The following BRMS1 variants were observed in gnomAD, a reference collection of about 807,000 sequenced individuals.
BRMS1 encodes the protein BRMS1 transcriptional repressor and anoikis regulator, also known as breast cancer metastasis-suppressor 1.
In BRMS1, 26 loss-of-function variants were observed where a neutral mutation model predicts 40.4. The observed-to-expected ratio is 0.64, with a 90% CI of 0.47 to 0.89. BRMS1 has a LOEUF of 0.89. Among genes scored for constraint, BRMS1 ranks in the 40% least tolerant of loss-of-function variants. The pLI is 0.00. For missense variants in BRMS1, 289 were observed against 309.4 expected, an observed-to-expected ratio of 0.93 and a Z score of 0.49; for synonymous variants, 103 against 116.0, an observed-to-expected ratio of 0.89 and a Z score of 0.72.
rs1226261312 is a variant in BRMS1, at chr11:66,341,843, G to A, written c.140-220C>T. Reference sequence around the variant, plus strand: ...GCGTGCGTGCTTGTGTGAAGGGGCTGTGTGCACGTGTACTTGTGTGAAGGG... The same window carrying A: ...GCGTGCGTGCTTGTGTGAAGGGGCTATGTGCACGTGTACTTGTGTGAAGGG... On this transcript the variant is annotated intron_variant, in intron 2 of 9. Coordinates refer to ENST00000359957, the MANE Select transcript of BRMS1 (RefSeq NM_015399.4). This position sits in a 1 kb window ranked among gnomAD's most constrained non-coding sequence, Gnocchi z 4.9. The A allele has an allele frequency of 1.5e-6, 1 of 666,256 alleles. No individual in the cohort carries two copies. Among genetic ancestry groups the A allele is most frequent in the East Asian group, 2.7e-5 (1 of 36,730 alleles). 41.3% of individuals were successfully genotyped at this position (666,256 alleles called of 1,614,324 possible). A position where few individuals can be genotyped will look rare whatever the true frequency, so the allele number is the denominator to read the frequency against.
rs774951857 is a variant in BRMS1 at position 66,341,250 on chromosome 11, A to G, written c.314T>C (p.Leu105Pro). Residue 105 changes from leucine to proline, a missense_variant, in exon 4 of 10, where the codon CTT (leucine) becomes CCT (proline). By Grantham distance (98) the Leu-to-Pro change is moderately conservative. Coordinates refer to ENST00000359957, the MANE Select transcript of BRMS1 (RefSeq NM_015399.4). This position sits in a 1 kb window ranked among gnomAD's most constrained non-coding sequence, Gnocchi z 4.9. Reference protein sequence around the residue: ...AERAPEYTEPLGGLQRSLKIR... With the variant: ...AERAPEYTEPPGGLQRSLKIR... The stretch of plus-strand genomic sequence containing the variant: ...CTTGAGGCTCCGCTGCAGCCCCCCA[A>G]GGGGCTCCGTGTATTCAGGGGCTCT... The G allele has an allele frequency of 3.7e-6, 6 of 1,613,426 alleles. No individual in the cohort carries two copies. Among genetic ancestry groups the G allele is most frequent in the Non-Finnish European group, 5.1e-6 (6 of 1,179,608 alleles).
At chr11:66,342,432 A>G (rs1855109685) in intron 1 of BRMS1, among the ~76,000 whole-genome samples, 191 bp from the exon 2 acceptor site, 1 of 152,126 alleles carries the variant, frequency 6.6e-6, no homozygotes, top group African/African-American at 2.4e-5. Flanking sequence ...GAAGGCTGGG[A>G]GCTGTGGAAC....
Position 66,342,228 on chromosome 11 carries a change from C to G in BRMS1, c.7G>C (p.Val3Leu). ...TCTGTGTCTTTGCTTGGAGGCTGGA[C>G]AGGCATCTGGACTCTGGGAGAAGGA... Reference protein sequence around the residue: MPVQPPSKDTEEM... With the variant: MPLQPPSKDTEEM... Residue 3 changes from valine to leucine, a missense_variant, in exon 2 of 10, where the codon GTC becomes CTC. Coordinates refer to ENST00000359957, the MANE Select transcript of BRMS1 (RefSeq NM_015399.4). 1 of 1,613,082 alleles carries G rather than the reference C, an allele frequency of 6.2e-7. No individual in the cohort carries two copies. Among genetic ancestry groups the G allele is most frequent in the Non-Finnish European group, 8.5e-7 (1 of 1,179,972 alleles).
At chr11:66,339,594 G>A (rs1026078073) in intron 7 of BRMS1, among the ~76,000 whole-genome samples, 12 of 152,280 alleles carry the variant, frequency 7.9e-5, no homozygotes, top group South Asian at 2.1e-4. Context: ...GGACCCGCTC[G>A]GACAACCCCG....
chr11:66,339,727 G>A (rs941521621), intron 7 of BRMS1: 1 of 171,660 alleles, frequency 5.8e-6, no homozygotes, highest in African/African-American at 2.4e-5. Context: ...CTTCAGAGTA[G>A]CTGGGACTAT....
rs1403324112 is a variant in BRMS1, at chr11:66,337,470, C to T, written c.*412G>A. 5.3e-6 allele frequency: 3 copies of T among 564,744 alleles called. No homozygotes were observed. Among genetic ancestry groups the T allele is most frequent in the Non-Finnish European group, 6.3e-6 (2 of 317,314 alleles). The allele number at this position is 564,744 out of a possible 1,614,324, so 35.0% of individuals were successfully genotyped here. On this transcript the variant is annotated 3_prime_UTR_variant, in exon 10 of 10. Transcript: ENST00000359957. ...GGGTGGACAGACCCCCAGATAATCACGTCTGACTCAGAGTTCCCGCACAGT... is the reference window on the plus strand; with the variant it reads ...GGGTGGACAGACCCCCAGATAATCATGTCTGACTCAGAGTTCCCGCACAGT...
At chr11:66,343,966 A>C (rs185401027) in intron 1 of BRMS1, among the ~76,000 whole-genome samples, 52 of 152,364 alleles carry the variant, frequency 3.4e-4, no homozygotes, top group African/African-American at 1.2e-3. Context: ...TCCTCTCAGC[A>C]GATAATCTCT....
chr11:66,338,023 C>T lies in BRMS1; in HGVS notation c.734-134G>A, dbSNP rs3132759. On this transcript the variant is annotated intron_variant, in intron 9 of 9. Coordinates refer to ENST00000359957, the MANE Select transcript of BRMS1 (RefSeq NM_015399.4). ...AGCTCCACAGCCCTCCCTGACCCCT[C>T]CTGAGTGGGAGCTCCATCAACCCAG... 4 of 1,193,814 alleles carry T rather than the reference C, an allele frequency of 3.4e-6. No homozygotes were observed. In the African/African-American group the frequency reaches 4.6e-5, roughly 14 times the overall value. The allele number at this position is 1,193,814 out of a possible 1,614,324, so 74.0% of individuals were successfully genotyped here. A position where few individuals can be genotyped will look rare whatever the true frequency, so the allele number is the denominator to read the frequency against.
chr11:66,340,676 TGG>T, intron 6 of BRMS1, 96 bp downstream of exon 6: 2 of 1,051,098 alleles, frequency 1.9e-6, no homozygotes, highest in South Asian at 3.0e-5. Flanking sequence ...GCAGGTCCTC[TGG>T]CTGTCCCCTT....
At chr11:66,343,459 G>A (rs1855130572) in intron 1 of BRMS1, among the ~76,000 whole-genome samples, 1 of 152,144 alleles carries the variant, frequency 6.6e-6, no homozygotes, top group South Asian at 2.1e-4. Flanking sequence ...GGGAGACAGG[G>A]GCAAAGGAGC....
rs1226892412 is a variant in BRMS1, at chr11:66,338,286, G to A, written c.694-4C>T. The A allele has an allele frequency of 6.2e-7, 1 of 1,608,628 alleles. No individual in the cohort carries two copies. The highest frequency in any genetic ancestry group is 1.3e-5 in the African/African-American group (1 of 74,952). On this transcript the variant is annotated splice_polypyrimidine_tract_variant and splice_region_variant and intron_variant, in intron 8 of 9. Transcript: ENST00000359957. ...GAGGGGACACAGCTGCCCTAGCCTG[G>A]GTGGGTGAGAAGAAAAGCTCCCCTG...
intron 7 of BRMS1, among the ~76,000 whole-genome samples, 176 bp from the exon 8 acceptor site, chr11:66,338,961 G>A (rs145438803): frequency 6.6e-6 from 1 of 152,158 alleles, no homozygotes; most frequent in Non-Finnish European, 1.5e-5. Context: ...GGGTCGTCCT[G>A]GAACCAAGTC....
Position 66,337,457 on chromosome 11 carries a change from C to A in BRMS1, c.*425G>T. On this transcript the variant is annotated 3_prime_UTR_variant, in exon 10 of 10. Transcript: ENST00000359957. Reference sequence around the variant, plus strand: ...CCAGATCCAGCCAGGGTGGACAGACCCCCAGATAATCACGTCTGACTCAGA... The same window carrying A: ...CCAGATCCAGCCAGGGTGGACAGACACCCAGATAATCACGTCTGACTCAGA... 1.8e-6 allele frequency: 1 copy of A among 550,192 alleles called. No individual in the cohort carries two copies. Among genetic ancestry groups the A allele is most frequent in the Non-Finnish European group, 3.2e-6 (1 of 308,104 alleles). 34.1% of individuals were successfully genotyped at this position (550,192 alleles called of 1,614,324 possible). A position where few individuals can be genotyped will look rare whatever the true frequency, so the allele number is the denominator to read the frequency against.
At position 66,341,977 on chromosome 11, in the gene BRMS1, G is replaced by C. The variant is rs1855094158; in HGVS notation, c.139+119C>G. On this transcript the variant is annotated intron_variant, in intron 2 of 9. Transcript: ENST00000359957. The surrounding 1 kb of genome is among the most constrained non-coding windows in gnomAD (Gnocchi z 4.9). ...GTGTGCAGGGTCTGTGTATGTGCTT[G>C]TGTGTAGGCGCTGTATGTGCATGTG... The C allele has an allele frequency of 8.6e-7, 1 of 1,159,558 alleles. No individual in the cohort carries two copies. Among genetic ancestry groups the C allele is most frequent in the Non-Finnish European group, 1.2e-6 (1 of 820,918 alleles). The allele number at this position is 1,159,558 out of a possible 1,614,324, so 71.8% of individuals were successfully genotyped here.
chr11:66,338,467 C>T (rs377277755), intron 8 of BRMS1, 185 bp from the exon 9 acceptor site: 62 of 1,512,686 alleles, frequency 4.1e-5, no homozygotes, highest in Middle Eastern at 1.8e-4. Context: ...GCGGCTCTCC[C>T]GCCTCCCCGC....
chr11:66,339,461 G>C (rs1388075732), intron 7 of BRMS1, among the ~76,000 whole-genome samples: 1 of 152,236 alleles, frequency 6.6e-6, no homozygotes, highest in Non-Finnish European at 1.5e-5. Context: ...ATAGGCACCA[G>C]GGTAAGACCA....
chr11:66,344,566 T>G (rs749764841), intron 1 of BRMS1: 3 of 152,226 alleles, frequency 2.0e-5, no homozygotes, highest in Non-Finnish European at 4.4e-5. Flanking sequence ...ATGAGTGAGT[T>G]AAGTCACAAC....
chr11:66,341,758 T>C lies in BRMS1; in HGVS notation c.140-135A>G. On this transcript the variant is annotated intron_variant, in intron 2 of 9. Transcript: ENST00000359957. The surrounding 1 kb of genome is among the most constrained non-coding windows in gnomAD (Gnocchi z 4.9). ...CCTGTGTGTGTGTGCGCGTACATGC[T>C]TGTGTGAAGGGGCTGTGTGTGTGCG... 1 of 799,154 alleles carries C rather than the reference T, an allele frequency of 1.3e-6. No homozygotes were observed. 49.5% of individuals were successfully genotyped at this position (799,154 alleles called of 1,614,324 possible).
At chr11:66,340,492 C>G (rs1489102920) in intron 6 of BRMS1, among the ~76,000 whole-genome samples, 1 of 152,186 alleles carries the variant, frequency 6.6e-6, no homozygotes, top group Non-Finnish European at 1.5e-5. Context: ...AACACAGGTA[C>G]TATGAACATG....
Sources: gnomAD v4.1 joint callset for allele counts (sites outside exome capture counted in the v4.1 genomes callset) on GRCh38, gnomAD v4.1.1 for gene constraint, Gnocchi (gnomAD v3.1) non-coding constraint, MANE v1.5 for transcripts, NCBI Gene and HGNC (gene_info 2026-07-23, HGNC 2026-07-21) for gene names.